The following PLBD2 variants were observed in gnomAD, a reference collection of about 807,000 sequenced individuals.
PLBD2 encodes the protein putative aminopeptidase PLBD2.
In PLBD2, 51 loss-of-function variants were observed where a neutral mutation model predicts 68.3. That is an observed-to-expected ratio of 0.75 (90% confidence interval 0.60 to 0.94). PLBD2 has a LOEUF of 0.94. Among genes scored for constraint, PLBD2 ranks in the 40% least tolerant of loss-of-function variants. PLBD2 has a pLI of 0.00. For missense variants in PLBD2, 729 were observed against 792.2 expected (o/e 0.92, Z 0.96); for synonymous variants, 314 against 339.3 (o/e 0.93, Z 0.82).
chr12:113,384,363 G>A lies in PLBD2; in HGVS notation c.1118+98G>A. On this transcript the variant is annotated intron_variant, in intron 7 of 11. Coordinates refer to ENST00000280800, the MANE Select transcript of PLBD2 (RefSeq NM_173542.4). This position sits in a 1 kb window ranked among gnomAD's most constrained non-coding sequence, Gnocchi z 4.2. ...TCCTGGGGACCAGATGTGGCATCCG[G>A]GCCACACACCCCACGCCCTCCTTTG... The A allele has an allele frequency of 7.1e-7, 1 of 1,411,010 alleles. No individual in the cohort carries two copies. The highest frequency in any genetic ancestry group is 1.3e-5 in the South Asian group (1 of 74,106). 87.4% of individuals were successfully genotyped at this position (1,411,010 alleles called of 1,614,324 possible). A position where few individuals can be genotyped will look rare whatever the true frequency, so the allele number is the denominator to read the frequency against.
Position 113,385,232 on chromosome 12 carries a change from A to C in PLBD2, c.1235A>C (p.Asp412Ala), listed in dbSNP as rs775975416. The C allele has an allele frequency of 1.2e-6, 2 of 1,614,140 alleles. No individual in the cohort carries two copies. Among genetic ancestry groups the C allele is most frequent in the South Asian group, 1.1e-5 (1 of 91,086 alleles). The change falls in exon 9 of 12, where the codon GAC becomes GCC. Residue 412 changes from aspartate (D) to alanine (A), a missense_variant. Coordinates refer to ENST00000280800, the MANE Select transcript of PLBD2 (RefSeq NM_173542.4). ...EQIPGMVVVADKTSELYQKTY... is the reference protein window; with the variant it reads ...EQIPGMVVVAAKTSELYQKTY... ...CTCAGCGGCATGGTGGTGGTGGCTG[A>C]CAAGACCTCGGAGCTCTACCAGAAG...
intron 5 of PLBD2, 175 bp downstream of exon 5, chr12:113,375,182 G>A: frequency 1.6e-6 from 1 of 638,586 alleles, no homozygotes; most frequent in South Asian, 1.9e-5. Flanking sequence ...GTCTTGCTCT[G>A]TTGCCCAGGC....
chr12:113,378,511 C>G (rs1056389228), intron 5 of PLBD2, among the ~76,000 whole-genome samples: 2 of 152,056 alleles, frequency 1.3e-5, no homozygotes, highest in Non-Finnish European at 1.5e-5. Context: ...CATGTTTGGT[C>G]CACTGTGCGT....
At chr12:113,374,615 C>A in intron 4 of PLBD2, 41 bp downstream of exon 4, 1 of 1,520,684 alleles carries the variant, frequency 6.6e-7, no homozygotes, top group Middle Eastern at 1.7e-4. Flanking sequence ...GGAAGAAGGG[C>A]CACACACTCA....
intron 11 of PLBD2, among the ~76,000 whole-genome samples, chr12:113,388,107 C>T (rs141295432): frequency 7.4e-4 from 112 of 152,224 alleles, no homozygotes; most frequent in African/African-American, 2.5e-3. Context: ...TTTGGGAGCC[C>T]AAGGTGGGCA....
At chr12:113,369,623 C>T (rs578029574) in intron 2 of PLBD2, among the ~76,000 whole-genome samples, 3 of 152,160 alleles carry the variant, frequency 2.0e-5, no homozygotes, top group Non-Finnish European at 4.4e-5. Flanking sequence ...AGGACTGACG[C>T]ACACCAGAAC....
At position 113,364,659 on chromosome 12, in the gene PLBD2, G is replaced by A. The variant is rs765912135; in HGVS notation, c.291-4457G>A. Among the ~76,000 whole-genome samples, 4 of 151,838 alleles carry A rather than the reference G, an allele frequency of 2.6e-5. No individual in the cohort carries two copies. In the East Asian group the frequency reaches 5.8e-4, roughly 22 times the overall value. On this transcript the variant is annotated intron_variant, in intron 1 of 11. Transcript: ENST00000280800. ...TATTTTTTGTAGAGAGGGGAGTCTC[G>A]CTTTATTGTCCAGGCTGGTCTCTTA...
chr12:113,367,949 G>T (rs1957356124), intron 1 of PLBD2, among the ~76,000 whole-genome samples: 1 of 151,920 alleles, frequency 6.6e-6, no homozygotes, highest in African/African-American at 2.4e-5. Context: ...GGGTGTGGTG[G>T]CTCACACCTG....
chr12:113,359,081 C>T (rs1456693188), intron 1 of PLBD2, among the ~76,000 whole-genome samples, 191 bp downstream of exon 1: 1 of 152,256 alleles, frequency 6.6e-6, no homozygotes, highest in Non-Finnish European at 1.5e-5. Context: ...ACTGCGGCAT[C>T]CCTCACCTCA....
At chr12:113,364,649 G>C (rs1041623402) in intron 1 of PLBD2, among the ~76,000 whole-genome samples, 3 of 151,848 alleles carry the variant, frequency 2.0e-5, no homozygotes, top group Non-Finnish European at 4.4e-5. Context: ...TTTGTAGAGA[G>C]GGGAGTCTCG....
intron 1 of PLBD2, among the ~76,000 whole-genome samples, chr12:113,359,975 G>A (rs1341377932): frequency 6.6e-6 from 1 of 152,160 alleles, no homozygotes; most frequent in Non-Finnish European, 1.5e-5. Flanking sequence ...TGCCCAGGAT[G>A]TGGTCTGTGC....
chr12:113,388,381 G>A, intron 11 of PLBD2, 78 bp from the exon 12 acceptor site: 1 of 1,384,040 alleles, frequency 7.2e-7, no homozygotes, highest in Non-Finnish European at 9.5e-7. Context: ...CTGGGGTCAA[G>A]GTCAGGGTGG....
In PLBD2 at chr12:113,374,812, G is replaced by A; in HGVS notation, c.664G>A (p.Asp222Asn). 2 of 1,613,668 alleles carry A rather than the reference G, an allele frequency of 1.2e-6. No homozygotes were observed. The highest frequency in any genetic ancestry group is 1.7e-6 in the Non-Finnish European group (2 of 1,180,028). Residue 222 changes from aspartate (D) to asparagine (N), a missense_variant, in exon 5 of 12, where the codon GAC (aspartate) becomes AAC (asparagine). Coordinates refer to ENST00000280800, the MANE Select transcript of PLBD2 (RefSeq NM_173542.4). The stretch of plus-strand genomic sequence containing the variant: ...CCTCAGCCTGCTGCAGCTCTCTGGG[G>A]ACCTGGAAGACCTGGAGCTGGCCCT... ...LGFLLLQLSG[D>N]LEDLELALNK...
At chr12:113,383,187 T>G (rs1475221506) in intron 6 of PLBD2, among the ~76,000 whole-genome samples, 1 of 152,188 alleles carries the variant, frequency 6.6e-6, no homozygotes, top group Non-Finnish European at 1.5e-5. Flanking sequence ...CCTCTCCTGT[T>G]GTAAGGCCTC....
At chr12:113,383,498 G>A (rs1957516490) in intron 6 of PLBD2, among the ~76,000 whole-genome samples, 1 of 152,004 alleles carries the variant, frequency 6.6e-6, no homozygotes, top group African/African-American at 2.4e-5. Flanking sequence ...GCAGTGGCAT[G>A]ATCTGGGCTC....
At chr12:113,367,920 A>G (rs1957355844) in intron 1 of PLBD2, among the ~76,000 whole-genome samples, 1 of 151,778 alleles carries the variant, frequency 6.6e-6, no homozygotes, top group East Asian at 1.9e-4. Flanking sequence ...TGTCTCTACT[A>G]AAAATACACA....
In PLBD2 at chr12:113,386,919, C is replaced by T; in HGVS notation, c.1287-18C>T. On this transcript the variant is annotated intron_variant, in intron 9 of 11. Coordinates refer to ENST00000280800, the MANE Select transcript of PLBD2 (RefSeq NM_173542.4). Reference sequence around the variant, plus strand: ...GAGGCCAGTGGGGGTCATGGGTGACCATCCTTGTCCCCGGCAGGTCCTTCG... The same window carrying T: ...GAGGCCAGTGGGGGTCATGGGTGACTATCCTTGTCCCCGGCAGGTCCTTCG... 1 of 1,611,736 alleles carries T rather than the reference C, an allele frequency of 6.2e-7. No homozygotes were observed. Among genetic ancestry groups the T allele is most frequent in the Non-Finnish European group, 8.5e-7 (1 of 1,179,256 alleles).
At chr12:113,360,294 G>A (rs1261131413) in intron 1 of PLBD2, among the ~76,000 whole-genome samples, 1 of 152,116 alleles carries the variant, frequency 6.6e-6, no homozygotes, top group Non-Finnish European at 1.5e-5. Flanking sequence ...CGGGACTCTT[G>A]GATCTGGTGA....
chr12:113,376,254 C>G lies in PLBD2; in HGVS notation c.859+1247C>G, dbSNP rs141023939. ...TCTCAGCTCACTGTGACCTCTGCCT[C>G]CTGGGTTCAAGTGATTCTCCTGCCT... On this transcript the variant is annotated intron_variant, in intron 5 of 11. Coordinates refer to ENST00000280800, the MANE Select transcript of PLBD2 (RefSeq NM_173542.4). Among the ~76,000 whole-genome samples, 172 of 151,004 alleles carry G rather than the reference C, an allele frequency of 1.1e-3. 1 individual carries two copies. The highest frequency in any genetic ancestry group is 2.2e-3 in the Non-Finnish European group (149 of 67,856).
Sources: gnomAD v4.1 joint callset for allele counts (sites outside exome capture counted in the v4.1 genomes callset) on GRCh38, gnomAD v4.1.1 for gene constraint, Gnocchi (gnomAD v3.1) non-coding constraint, MANE v1.5 for transcripts, NCBI Gene and HGNC (gene_info 2026-07-23, HGNC 2026-07-21) for gene names.